The following ADGRL3 variants were observed in gnomAD, a reference collection of about 807,000 sequenced individuals.
ADGRL3 encodes the protein calcium-independent alpha-latrotoxin receptor 3.
ADGRL3 carries 62 observed loss-of-function variants against 153.5 expected under a neutral mutation model. The observed-to-expected ratio is 0.40, with a 90% CI of 0.33 to 0.50. The LOEUF is 0.50. Ranked by LOEUF, ADGRL3 falls within the 20% of genes least tolerant of loss-of-function variation. ADGRL3 has a pLI of 0.47. For missense variants in ADGRL3, 1,641 were observed against 1,859.4 expected (o/e 0.88, Z 2.16); for synonymous variants, 710 against 672.5 (o/e 1.06, Z -0.86).
intron 2 of ADGRL3, among the ~76,000 whole-genome samples, chr4:61,389,526 G>C (rs2096778594): frequency 6.6e-6 from 1 of 152,108 alleles, no homozygotes; most frequent in Non-Finnish European, 1.5e-5. Context: ...TCTCTAGGTA[G>C]GAGTGATTTC....
At chr4:61,329,699 AAT>A (rs1491082919) in intron 1 of ADGRL3, among the ~76,000 whole-genome samples, 6 of 151,530 alleles carry the variant, frequency 4.0e-5, no homozygotes, top group Non-Finnish European at 5.9e-5. Context: ...TAAGAAAAAA[AAT>A]ATAGTATACA....
Position 61,721,741 on chromosome 4 carries a change from C to T in ADGRL3, c.584-8881C>T, listed in dbSNP as rs77965240. ...CAATCATTATGTAAGACATCCTTTC[C>T]TCCCATCACTCCCCTTTTGAGGTAT... On this transcript the variant is annotated intron_variant, in intron 6 of 26. Transcript: ENST00000683033. Among the ~76,000 whole-genome samples, 148 of 152,306 alleles carry T rather than the reference C, an allele frequency of 9.7e-4. 1 individual carries two copies. In the East Asian group the frequency reaches 0.023, roughly 24 times the overall value.
At chr4:61,353,299 C>T (rs142356941) in intron 1 of ADGRL3, among the ~76,000 whole-genome samples, 15 of 152,142 alleles carry the variant, frequency 9.9e-5, no homozygotes, top group Non-Finnish European at 2.2e-4. Flanking sequence ...ACAATATTCA[C>T]TTTATTGTGA....
At chr4:61,803,773 TAAAATC>T (rs149219891) in intron 8 of ADGRL3, among the ~76,000 whole-genome samples, 1,722 of 152,274 alleles carry the variant, frequency 0.011, 39 homozygotes, top group African/African-American at 0.038. Flanking sequence ...CACAGTATCT[TAAAATC>T]AATCAAACTC....
chr4:61,962,054 C>T (rs139877708), intron 17 of ADGRL3, among the ~76,000 whole-genome samples: 21 of 152,070 alleles, frequency 1.4e-4, no homozygotes, highest in African/African-American at 4.6e-4. Flanking sequence ...GCCTGGGCAA[C>T]ACAGTGAAAC....
At chr4:61,346,884 A>T (rs1002810305) in intron 1 of ADGRL3, among the ~76,000 whole-genome samples, 11 of 151,998 alleles carry the variant, frequency 7.2e-5, no homozygotes, top group Non-Finnish European at 1.5e-4. Context: ...AAGGAATTTT[A>T]AAAATTAGTA....
intron 4 of ADGRL3, among the ~76,000 whole-genome samples, chr4:61,565,640 C>T (rs191275502): frequency 1.3e-5 from 2 of 151,966 alleles, no homozygotes; most frequent in African/African-American, 4.8e-5. Flanking sequence ...CGGGTTCAAG[C>T]GATTCTTCTG....
At chr4:61,591,714 G>A (rs373276861) in intron 5 of ADGRL3, among the ~76,000 whole-genome samples, 3 of 151,710 alleles carry the variant, frequency 2.0e-5, no homozygotes, top group South Asian at 2.1e-4. Flanking sequence ...TTAAAGGAGC[G>A]ATCTAAGTTT....
intron 8 of ADGRL3, among the ~76,000 whole-genome samples, chr4:61,734,889 G>A (rs1006004360): frequency 6.6e-6 from 1 of 152,154 alleles, no homozygotes; most frequent in African/African-American, 2.4e-5. Context: ...CTTCTTTGAA[G>A]GGCATTTAAC....
At chr4:61,531,348 C>T (rs1354149820) in intron 4 of ADGRL3, among the ~76,000 whole-genome samples, 3 of 152,114 alleles carry the variant, frequency 2.0e-5, no homozygotes, top group Non-Finnish European at 4.4e-5. Context: ...GTTCACATTT[C>T]AGTTGTTTGC....
chr4:62,072,197 G>T lies in ADGRL3; in HGVS notation c.*1289G>T, dbSNP rs1745889604. 6.6e-6 allele frequency: 1 copy of T among 152,366 alleles called. No homozygotes were observed. Among genetic ancestry groups the T allele is most frequent in the African/African-American group, 2.4e-5 (1 of 41,348 alleles). 9.4% of individuals were successfully genotyped at this position (152,366 alleles called of 1,614,324 possible). On this transcript the variant is annotated 3_prime_UTR_variant, in exon 27 of 27. Coordinates refer to ENST00000683033, the MANE Select transcript of ADGRL3 (RefSeq NM_001387552.1). ...ATTCACTCCCTCGTAAGCATTGGAA[G>T]GTCAAATTATTTTGAAGTGATTTTT...
At chr4:61,396,868 T>G (rs2096874169) in intron 2 of ADGRL3, among the ~76,000 whole-genome samples, 1 of 151,790 alleles carries the variant, frequency 6.6e-6, no homozygotes, top group South Asian at 2.1e-4. Context: ...TTAACTTCAC[T>G]GAGTGTCTAT....
intron 6 of ADGRL3, among the ~76,000 whole-genome samples, chr4:61,726,856 C>T (rs1186738204): frequency 6.6e-6 from 1 of 151,938 alleles, no homozygotes; most frequent in Non-Finnish European, 1.5e-5. Flanking sequence ...TGGATTGTAA[C>T]ATTCTGCATT....
At chr4:61,704,705 G>C (rs2095826666) in intron 6 of ADGRL3, among the ~76,000 whole-genome samples, 1 of 152,118 alleles carries the variant, frequency 6.6e-6, no homozygotes, top group Admixed American at 6.6e-5. Context: ...AGAAGAACTT[G>C]TTTTAAAATT....
intron 1 of ADGRL3, among the ~76,000 whole-genome samples, chr4:61,209,248 C>T (rs1738713505): frequency 6.6e-6 from 1 of 152,096 alleles, no homozygotes; most frequent in South Asian, 2.1e-4. Context: ...TTATGAGCTT[C>T]TCAGAAATGG....
rs1241839002 is a variant in ADGRL3, at chr4:61,352,923, T to C, written c.-239-30201T>C. Among the ~76,000 whole-genome samples the C allele has an allele frequency of 5.9e-5, 9 of 152,344 alleles. No homozygotes were observed. The East Asian group carries it at 1.4e-3, about 23-fold the overall frequency. On this transcript the variant is annotated intron_variant, in intron 1 of 26. Coordinates refer to ENST00000683033, the MANE Select transcript of ADGRL3 (RefSeq NM_001387552.1). The stretch of plus-strand genomic sequence containing the variant: ...CATCTAATGATTTGAGTGATAGATA[T>C]GAATTGAAAATATTCCAAGTGTGCT...
intron 3 of ADGRL3, among the ~76,000 whole-genome samples, chr4:61,501,559 T>C (rs902605046): frequency 3.3e-5 from 5 of 152,182 alleles, no homozygotes; most frequent in Non-Finnish European, 5.9e-5. Context: ...CATTTCTAAA[T>C]ACTAGCATCT....
At chr4:61,303,132 A>G (rs1208725402) in intron 1 of ADGRL3, among the ~76,000 whole-genome samples, 1 of 152,222 alleles carries the variant, frequency 6.6e-6, no homozygotes, top group African/African-American at 2.4e-5. Flanking sequence ...TGTTGATAGA[A>G]TTAACACACC....
chr4:61,285,113 G>C lies in ADGRL3; in HGVS notation c.-240+83348G>C, dbSNP rs77306813. Among the ~76,000 whole-genome samples the C allele has an allele frequency of 1.1e-3, 167 of 151,736 alleles. 3 individuals are homozygous for C. The East Asian group carries it at 0.028, about 26-fold the overall frequency. The stretch of plus-strand genomic sequence containing the variant: ...AATCTGTAGAGAAAGAAAAAAATAC[G>C]ACCCTGGCTTTATTTTGAATAATGC... On this transcript the variant is annotated intron_variant, in intron 1 of 26. Coordinates refer to ENST00000683033, the MANE Select transcript of ADGRL3 (RefSeq NM_001387552.1).
Sources: gnomAD v4.1 joint callset for allele counts (sites outside exome capture counted in the v4.1 genomes callset) on GRCh38, gnomAD v4.1.1 for gene constraint, MANE v1.5 for transcripts, NCBI Gene and HGNC (gene_info 2026-07-23, HGNC 2026-07-21) for gene names.